Variants in MAF observed in about 807,000 individuals in gnomAD.
The protein encoded by MAF is MAF bZIP transcription factor.
A neutral mutation model predicts 22.0 loss-of-function variants in MAF; 10 were observed. The observed-to-expected ratio is 0.45, with a 90% CI of 0.28 to 0.77. The LOEUF (loss-of-function observed/expected upper bound fraction) is 0.77. Ranked by LOEUF, MAF falls within the 30% of genes least tolerant of loss-of-function variation. MAF has a pLI of 0.12. For missense variants in MAF, 544 were observed against 548.4 expected (o/e 0.99, Z 0.08); for synonymous variants, 337 against 255.8 (o/e 1.32, Z -3.03).
chr16:79,322,308 G>A, the MAF span, among the ~76,000 whole-genome samples: 9 of 152,188 alleles, frequency 5.9e-5, 3 homozygotes, highest in African/African-American at 2.2e-4. Flanking sequence ...GAAGAGTATC[G>A]GCACTCAGGG....
chr16:79,543,751 A>G, the MAF span, among the ~76,000 whole-genome samples: 6 of 149,720 alleles, frequency 4.0e-5, no homozygotes, highest in African/African-American at 1.5e-4. Context: ...CAGTGGTGCA[A>G]TCTCGGCTCA....
downstream of MAF, among the ~76,000 whole-genome samples, chr16:79,590,078 G>C (rs1913101011): frequency 6.6e-6 from 1 of 152,128 alleles, no homozygotes; most frequent in Non-Finnish European, 1.5e-5. Context: ...TCAGAGGGTG[G>C]GGAGCACACC....
the MAF span, among the ~76,000 whole-genome samples, chr16:79,325,883 G>C: frequency 6.6e-6 from 1 of 152,140 alleles, no homozygotes; most frequent in Non-Finnish European, 1.5e-5. Flanking sequence ...TAGGCAAATG[G>C]ATTCAAGTCT....
chr16:79,437,919 C>A, the MAF span, among the ~76,000 whole-genome samples: 2 of 152,072 alleles, frequency 1.3e-5, no homozygotes, highest in Non-Finnish European at 2.9e-5. Context: ...GGGAGGTTTC[C>A]GCCTCTGCAG....
chr16:79,565,759 A>G, the MAF span, among the ~76,000 whole-genome samples: 1 of 152,204 alleles, frequency 6.6e-6, no homozygotes, highest in Non-Finnish European at 1.5e-5. Flanking sequence ...AGTCCCAGGT[A>G]TGTGTTTATT....
At chr16:79,506,023 G>T in the MAF span, among the ~76,000 whole-genome samples, 4 of 151,878 alleles carry the variant, frequency 2.6e-5, no homozygotes, top group East Asian at 7.8e-4. Flanking sequence ...AAGAGAGGAG[G>T]AAAAGAAGAG....
chr16:79,535,615 G>C, the MAF span, among the ~76,000 whole-genome samples: 1 of 132,932 alleles, frequency 7.5e-6, no homozygotes, highest in Non-Finnish European at 1.6e-5. Context: ...CCGAGACAGA[G>C]TTTTGCTCTT....
At chr16:79,375,861 A>T in the MAF span, among the ~76,000 whole-genome samples, 1 of 152,178 alleles carries the variant, frequency 6.6e-6, no homozygotes, top group African/African-American at 2.4e-5. Flanking sequence ...GCATACCATC[A>T]TGGTGGAGAA....
At chr16:79,417,870 G>A in the MAF span, among the ~76,000 whole-genome samples, 5 of 152,100 alleles carry the variant, frequency 3.3e-5, no homozygotes, top group African/African-American at 1.2e-4. Flanking sequence ...TACTTTCCAC[G>A]ATAACGCATC....
the MAF span, among the ~76,000 whole-genome samples, chr16:79,429,884 T>C: frequency 6.6e-6 from 1 of 152,096 alleles, no homozygotes; most frequent in African/African-American, 2.4e-5. Context: ...TCACCATAAT[T>C]TGTAGGTCTT....
chr16:79,401,661 A>AAAT, the MAF span, among the ~76,000 whole-genome samples: 1 of 152,128 alleles, frequency 6.6e-6, no homozygotes, highest in Non-Finnish European at 1.5e-5. Context: ...TACCCATACA[A>AAAT]AATAATAATA....
At chr16:79,516,981 C>T in the MAF span, among the ~76,000 whole-genome samples, 4,022 of 152,294 alleles carry the variant, frequency 0.026, 184 homozygotes, top group African/African-American at 0.091. Flanking sequence ...AAGGCAGTTT[C>T]CACACTGAAT....
the MAF span, among the ~76,000 whole-genome samples, chr16:79,529,014 G>A: frequency 2.6e-4 from 40 of 152,296 alleles, no homozygotes; most frequent in African/African-American, 9.1e-4. Context: ...AAAGGAGCTC[G>A]AGCTGTCAGG....
At chr16:79,313,390 C>G in the MAF span, among the ~76,000 whole-genome samples, 1 of 152,090 alleles carries the variant, frequency 6.6e-6, no homozygotes, top group African/African-American at 2.4e-5. Flanking sequence ...AAAACTAGAC[C>G]CTCTCAACAG....
the MAF span, among the ~76,000 whole-genome samples, chr16:79,419,937 C>T: frequency 6.6e-6 from 1 of 152,052 alleles, no homozygotes; most frequent in African/African-American, 2.4e-5. Flanking sequence ...TTTCCACTCA[C>T]ACTTTCCATG....
chr16:79,222,868 G>A, the MAF span, among the ~76,000 whole-genome samples: 4 of 152,154 alleles, frequency 2.6e-5, no homozygotes, highest in East Asian at 7.7e-4. Context: ...AACTCATAAA[G>A]CAAGTTCTTA....
At chr16:79,213,144 AG>A in the MAF span, among the ~76,000 whole-genome samples, 2 of 152,166 alleles carry the variant, frequency 1.3e-5, no homozygotes, top group African/African-American at 4.8e-5. Flanking sequence ...CACATGAGAA[AG>A]TCCACTCTGG....
the MAF span, among the ~76,000 whole-genome samples, chr16:79,417,644 G>C: frequency 1.3e-5 from 2 of 152,154 alleles, no homozygotes; most frequent in African/African-American, 2.4e-5. Context: ...AGCCTGCCTA[G>C]CCTGCTTCCC....
chr16:79,321,569 G>C, the MAF span, among the ~76,000 whole-genome samples: 4 of 152,146 alleles, frequency 2.6e-5, no homozygotes, highest in East Asian at 7.7e-4. Context: ...TCAGCAGAGG[G>C]AAAGGCATCA....
Sources: allele counts gnomAD v4.1 joint callset (sites outside exome capture counted in the v4.1 genomes callset), GRCh38; gene constraint gnomAD v4.1.1; transcripts MANE v1.5; gene names NCBI Gene and HGNC (gene_info 2026-07-23, HGNC 2026-07-21).